The following PDZD2 variants were observed in gnomAD, a reference collection of about 807,000 sequenced individuals.
The protein encoded by PDZD2 is PDZ domain-containing protein 2.
PDZD2 carries 90 observed loss-of-function variants against 220.7 expected under a neutral mutation model. The ratio of observed to expected loss-of-function variants is 0.41; its 90% CI spans 0.34 to 0.49. The LOEUF (loss-of-function observed/expected upper bound fraction) is 0.49. Among genes scored for constraint, PDZD2 ranks in the 20% least tolerant of loss-of-function variants. The pLI is 0.28. For synonymous variants in PDZD2, 1,375 were observed against 1,450.5 expected (o/e 0.95, Z 1.18); for missense variants, 3,174 against 3,608.5 (o/e 0.88, Z 3.08).
chr5:31,977,138 G>A lies in PDZD2; in HGVS notation c.477-6017G>A, dbSNP rs146759436. ...CTCCAAAAGCTCTGAGATTGTAGGT[G>A]TCAGCCACAGCGTCTGGCCCCAAGT... On this transcript the variant is annotated intron_variant, in intron 2 of 24. Coordinates refer to ENST00000438447, the MANE Select transcript of PDZD2 (RefSeq NM_178140.4). Among the ~76,000 whole-genome samples, 105 of 152,002 alleles carry A rather than the reference G, an allele frequency of 6.9e-4. 3 individuals are homozygous for A. The East Asian group carries it at 0.02, about 29-fold the overall frequency.
At chr5:32,067,555 T>C (rs557142318) in intron 14 of PDZD2, among the ~76,000 whole-genome samples, 7 of 152,328 alleles carry the variant, frequency 4.6e-5, no homozygotes, top group African/African-American at 1.7e-4. Flanking sequence ...TTGCCTGTTA[T>C]GATAAAATAT....
Position 32,077,615 on chromosome 5 carries a change from A to G in PDZD2, c.3682+9A>G. The G allele has an allele frequency of 6.2e-7, 1 of 1,613,786 alleles. No individual in the cohort carries two copies. Among genetic ancestry groups the G allele is most frequent in the Non-Finnish European group, 8.5e-7 (1 of 1,179,844 alleles). On this transcript the variant is annotated intron_variant, in intron 19 of 24. Transcript: ENST00000438447. ...GCAACAACCCATGACTGGTAAGATT[A>G]TTTTCCCATTTGTTAATCTTAAAGT...
intron 1 of PDZD2, among the ~76,000 whole-genome samples, chr5:31,650,194 A>G (rs1469134729): frequency 6.6e-6 from 1 of 152,018 alleles, no homozygotes; most frequent in Non-Finnish European, 1.5e-5. Flanking sequence ...TATCCAATAG[A>G]CACTCAATAA....
intron 2 of PDZD2, among the ~76,000 whole-genome samples, chr5:31,862,206 A>G (rs116631856): frequency 0.017 from 2,469 of 146,764 alleles, 60 homozygotes; most frequent in African/African-American, 0.059. Flanking sequence ...CAGGGTTCCA[A>G]CGATTCTCCT....
intron 2 of PDZD2, 97 bp downstream of exon 2, chr5:31,799,821 A>G: frequency 2.6e-6 from 2 of 771,468 alleles, no homozygotes; most frequent in Non-Finnish European, 4.5e-6. Context: ...CCTGCCAATA[A>G]GAAGCTGATG....
At chr5:31,998,775 G>A (rs1345575981) in intron 4 of PDZD2, among the ~76,000 whole-genome samples, 1 of 152,250 alleles carries the variant, frequency 6.6e-6, no homozygotes, top group Non-Finnish European at 1.5e-5. Context: ...TTTTAAGAAA[G>A]TTTACCAATT....
chr5:31,826,490 T>C (rs1756229723), intron 2 of PDZD2, among the ~76,000 whole-genome samples: 1 of 152,034 alleles, frequency 6.6e-6, no homozygotes, highest in East Asian at 1.9e-4. Context: ...CTGACCAACA[T>C]GGTGAAACCC....
chr5:31,651,573 G>A (rs1321041513), intron 1 of PDZD2, among the ~76,000 whole-genome samples: 13 of 152,260 alleles, frequency 8.5e-5, no homozygotes, highest in East Asian at 5.8e-4. Flanking sequence ...CTGGATTTCC[G>A]TTGGTTAAAA....
rs552457404 is a variant in PDZD2 at position 31,736,737 on chromosome 5, T to TC, written c.-360-62148dup. ...GTGTGGATATTTGTCCCAGCCCAAA[T>TC]CCCCAATGTTGGAGGTGGGGCCTGC... On this transcript the variant is annotated intron_variant, in intron 1 of 24. Coordinates refer to ENST00000438447, the MANE Select transcript of PDZD2 (RefSeq NM_178140.4). Among the ~76,000 whole-genome samples the TC allele has an allele frequency of 4.4e-3, 672 of 152,236 alleles. 4 individuals are homozygous for TC. Among genetic ancestry groups the TC allele is most frequent in the Non-Finnish European group, 6.5e-3 (443 of 68,012 alleles).
chr5:32,090,187 C>T lies in PDZD2; in HGVS notation c.6739C>T (p.Arg2247Trp), dbSNP rs769580620. The T allele has an allele frequency of 3.3e-5, 54 of 1,613,956 alleles. No individual in the cohort carries two copies. The highest frequency in any genetic ancestry group is 4.2e-5 in the Non-Finnish European group (50 of 1,180,004). ...CCCCCCACACAGCCTGGGTCGCTCT[C>T]GGGACAGCCAGGTCCCTGTGACAAG... is the stretch of plus-strand genomic sequence containing the variant. The part of the protein sequence containing the change: ...GHPPHSLGRS[R>W]DSQVPVTSSV... Residue 2247 changes from arginine to tryptophan, a missense_variant, in exon 20 of 25, where the codon CGG (arginine) becomes TGG (tryptophan). This residue lies in a region of PDZD2 where 631 missense variants were observed against 789.9 expected (regional missense o/e 0.80). Coordinates refer to ENST00000438447, the MANE Select transcript of PDZD2 (RefSeq NM_178140.4). This position sits in a 1 kb window ranked among gnomAD's most constrained non-coding sequence, Gnocchi z 4.3.
chr5:32,000,104 G>C lies in PDZD2; in HGVS notation c.1122-35G>C. 6.2e-7 allele frequency: 1 copy of C among 1,610,490 alleles called. No individual in the cohort carries two copies. Among genetic ancestry groups the C allele is most frequent in the Non-Finnish European group, 8.5e-7 (1 of 1,177,416 alleles). ...GCCCTTCTCAGGCCCAGAATGTCTT[G>C]ACAAGGGATCTTTTTCCCATCTCCC... On this transcript the variant is annotated intron_variant, in intron 4 of 24. Transcript: ENST00000438447. The surrounding 1 kb of genome is among the most constrained non-coding windows in gnomAD (Gnocchi z 4.5).
intron 2 of PDZD2, among the ~76,000 whole-genome samples, chr5:31,921,515 C>A (rs1395237191): frequency 2.3e-4 from 35 of 151,902 alleles, no homozygotes. Flanking sequence ...GAAACCCTGT[C>A]TCTTCCAAAA....
intron 7 of PDZD2, among the ~76,000 whole-genome samples, chr5:32,040,013 C>T (rs1488931285): frequency 1.3e-5 from 2 of 148,556 alleles, no homozygotes; most frequent in African/African-American, 5.0e-5. Context: ...GCGCCTCTGC[C>T]TGGCCGCCCA....
chr5:32,025,591 C>CTTTTTTTTTTTTTTTT lies in PDZD2; in HGVS notation c.1408-11627_1408-11612dup, dbSNP rs70957998. On this transcript the variant is annotated intron_variant, in intron 6 of 24. Coordinates refer to ENST00000438447, the MANE Select transcript of PDZD2 (RefSeq NM_178140.4). ...AGTGAGCCCAAATGTAACCATGATG[C>CTTTTTTTTTTTTTTTT]TTTTTTTTTTTTTTTTTTTTTTTTT... Among the ~76,000 whole-genome samples, 41 of 67,522 alleles carry CTTTTTTTTTTTTTTTT rather than the reference C, an allele frequency of 6.1e-4. 4 individuals are homozygous for CTTTTTTTTTTTTTTTT. Among genetic ancestry groups the CTTTTTTTTTTTTTTTT allele is most frequent in the African/African-American group, 1.2e-3 (18 of 15,244 alleles). 44.3% of individuals were successfully genotyped at this position (67,522 alleles called of 152,430 possible).
At chr5:32,067,194 G>A (rs1007339949) in intron 14 of PDZD2, among the ~76,000 whole-genome samples, 5 of 152,106 alleles carry the variant, frequency 3.3e-5, no homozygotes, top group Admixed American at 6.6e-5. Flanking sequence ...TGTCTGGAGC[G>A]GTTGCTGCCC....
intron 1 of PDZD2, among the ~76,000 whole-genome samples, chr5:31,771,603 G>A (rs1388912916): frequency 6.6e-6 from 1 of 152,222 alleles, no homozygotes; most frequent in Non-Finnish European, 1.5e-5. Context: ...GGAGGCCAGT[G>A]TAGGTACTGA....
intron 2 of PDZD2, among the ~76,000 whole-genome samples, chr5:31,821,600 C>T (rs1283881745): frequency 6.6e-6 from 1 of 151,868 alleles, no homozygotes; most frequent in Admixed American, 6.6e-5. Context: ...AGGATGGTCT[C>T]GATCTTTTGA....
chr5:31,868,102 C>T (rs1362975820), intron 2 of PDZD2, among the ~76,000 whole-genome samples: 2 of 152,134 alleles, frequency 1.3e-5, no homozygotes, highest in Admixed American at 6.5e-5. Flanking sequence ...ACATGGTCAC[C>T]TCTGTCTGAC....
rs546626399 is a variant in PDZD2, at chr5:31,663,896, C to CTTGCACA, written c.-361+24461_-361+24467dup. 1.6e-3 allele frequency among the ~76,000 whole-genome samples: 237 copies of CTTGCACA among 151,990 alleles called. 1 individual carries two copies. Among genetic ancestry groups the CTTGCACA allele is most frequent in the Middle Eastern group, 3.4e-3 (1 of 294 alleles). On this transcript the variant is annotated intron_variant, in intron 1 of 24. Transcript: ENST00000438447. ...GTGTGTATGCGGGCACAAGTGTGTG[C>CTTGCACA]TTGCACATGTATCTGTGTGTGAGTG...
Sources: allele counts gnomAD v4.1 joint callset (sites outside exome capture counted in the v4.1 genomes callset), GRCh38; gene constraint gnomAD v4.1.1; regional missense constraint gnomAD v4.1.1; non-coding constraint Gnocchi (gnomAD v3.1); transcripts MANE v1.5; gene names NCBI Gene and HGNC (gene_info 2026-07-23, HGNC 2026-07-21).